The following C2CD5 variants were observed in gnomAD, a reference collection of about 807,000 sequenced individuals.
The protein encoded by C2CD5 is C2 domain-containing protein 5.
C2CD5 carries 109 observed loss-of-function variants against 130.3 expected under a neutral mutation model. That is an observed-to-expected ratio of 0.84 (90% CI 0.72 to 0.98). The LOEUF (loss-of-function observed/expected upper bound fraction) is 0.98. Among genes scored for constraint, C2CD5 ranks in the 50% least tolerant of loss-of-function variants. The pLI is 0.00. For synonymous variants in C2CD5, 454 were observed against 429.2 expected, an observed-to-expected ratio of 1.06 and a Z score of -0.71; for missense variants, 996 against 1,261.8, an observed-to-expected ratio of 0.79 and a Z score of 3.19.
rs564423718 is a variant in C2CD5 at position 22,537,940 on chromosome 12, GACT to G, written c.91-2599_91-2597del. Among the ~76,000 whole-genome samples the G allele has an allele frequency of 4.4e-4, 66 of 151,650 alleles. 1 individual carries two copies. In the East Asian group the frequency reaches 0.012, roughly 28 times the overall value. On this transcript the variant is annotated intron_variant, in intron 2 of 26. Coordinates refer to ENST00000446597, the MANE Select transcript of C2CD5 (RefSeq NM_001286176.2). ...CATCTTACTCTAGAGATTCCTGCAA[GACT>G]ACTCGTCTTGAAGAATTATTTGGTC...
intron 13 of C2CD5, chr12:22,484,254 T>C (rs1309770520): frequency 6.5e-6 from 1 of 152,852 alleles, no homozygotes; most frequent in African/African-American, 2.4e-5. Flanking sequence ...TTGTCATGAG[T>C]TCCCCAATTA....
chr12:22,465,175 G>C (rs796777672), intron 22 of C2CD5, among the ~76,000 whole-genome samples: 9 of 152,006 alleles, frequency 5.9e-5, no homozygotes, highest in African/African-American at 2.2e-4. Context: ...GTAATGAATA[G>C]AGTATTCCTG....
rs1949394979 is a variant in C2CD5, at chr12:22,513,343, G to A, written c.989C>T (p.Pro330Leu). 1.2e-6 allele frequency: 2 copies of A among 1,612,262 alleles called. No individual in the cohort carries two copies. The highest frequency in any genetic ancestry group is 1.3e-5 in the African/African-American group (1 of 74,796). ...GSGSAGKEGG[P>L]FKALLRQQTQ... ...CTGTTGTCTTAAAAGAGCTTTAAAG[G>A]GCCCCCCTTCTTTTCCAGCACTACC... Residue 330 changes from proline (P) to leucine (L), a missense_variant, in exon 9 of 27, where the codon CCC becomes CTC. Pro to Leu is a moderately conservative substitution (Grantham distance 98). Transcript: ENST00000446597.
At chr12:22,483,746 G>A (rs1395994964) in intron 13 of C2CD5, among the ~76,000 whole-genome samples, 1 of 152,116 alleles carries the variant, frequency 6.6e-6, no homozygotes, top group African/African-American at 2.4e-5. Context: ...GGGAGGTTGA[G>A]AAAGAGGACA....
intron 8 of C2CD5, among the ~76,000 whole-genome samples, chr12:22,516,343 T>C (rs1157800980): frequency 2.6e-5 from 4 of 151,750 alleles, no homozygotes; most frequent in Non-Finnish European, 5.9e-5. Flanking sequence ...GGCTGAAAAC[T>C]GCTAATATTA....
intron 24 of C2CD5, among the ~76,000 whole-genome samples, chr12:22,457,665 C>T (rs1171562676): frequency 2.6e-5 from 4 of 152,098 alleles, no homozygotes; most frequent in East Asian, 3.9e-4. Flanking sequence ...AAAAGCTTAA[C>T]GACCTCTGCT....
rs1211690098 is a variant in C2CD5 at position 22,472,361 on chromosome 12, T to C, written c.2108-14A>G. ...AACTATAAAAGCCTGTCAAAATAAATTGTAATCAAAATATATGATAATATT... is the reference window on the plus strand; with the variant it reads ...AACTATAAAAGCCTGTCAAAATAAACTGTAATCAAAATATATGATAATATT... On this transcript the variant is annotated splice_polypyrimidine_tract_variant and intron_variant, in intron 17 of 26. Coordinates refer to ENST00000446597, the MANE Select transcript of C2CD5 (RefSeq NM_001286176.2). 2.4e-6 allele frequency: 3 copies of C among 1,254,436 alleles called. No individual in the cohort carries two copies. The highest frequency in any genetic ancestry group is 1.3e-5 in the South Asian group (1 of 74,738). 77.7% of individuals were successfully genotyped at this position (1,254,436 alleles called of 1,614,324 possible). A position where few individuals can be genotyped will look rare whatever the true frequency, so the allele number is the denominator to read the frequency against.
At chr12:22,501,191 T>C (rs1947737590) in intron 10 of C2CD5, among the ~76,000 whole-genome samples, 1 of 152,222 alleles carries the variant, frequency 6.6e-6, no homozygotes, top group Admixed American at 6.5e-5. Context: ...TATGTTCTTT[T>C]AACATTCTAT....
chr12:22,477,953 C>T (rs1001130673), intron 15 of C2CD5: 4 of 195,314 alleles, frequency 2.0e-5, no homozygotes, highest in Non-Finnish European at 4.2e-5. Flanking sequence ...AAACAAAGCC[C>T]TCATGAAGCT....
Position 22,506,797 on chromosome 12 carries a change from G to A in C2CD5, c.1061C>T (p.Thr354Met), listed in dbSNP as rs188838684. 9.3e-6 allele frequency: 15 copies of A among 1,607,388 alleles called. No individual in the cohort carries two copies. The highest frequency in any genetic ancestry group is 1.3e-5 in the African/African-American group (1 of 74,878). Reference sequence around the variant, plus strand: ...TACAAGGAATCCAGGAGGAAATGCCGTCAAGGTAAAAAATGGAAATTCCTA... The same window carrying A: ...TACAAGGAATCCAGGAGGAAATGCCATCAAGGTAAAAAATGGAAATTCCTA... ...EQREFPFFTL[T>M]AFPPGFLVHV... is the part of the protein sequence containing the mutation. The change falls in exon 10 of 27, where the codon ACG (threonine) becomes ATG (methionine). Residue 354 changes from threonine to methionine, a missense_variant. Around this residue, in one of 9 missense-constraint regions of C2CD5, gnomAD observed 156 missense variants for 165.9 expected, o/e 0.94. Coordinates refer to ENST00000446597, the MANE Select transcript of C2CD5 (RefSeq NM_001286176.2).
intron 10 of C2CD5, among the ~76,000 whole-genome samples, chr12:22,494,887 C>G (rs576479021): frequency 6.6e-6 from 1 of 152,060 alleles, no homozygotes; most frequent in East Asian, 1.9e-4. Flanking sequence ...ACTTTCAAAT[C>G]CATACTCTCT....
chr12:22,527,954 A>T (rs967412211), intron 3 of C2CD5, 62 bp from the exon 4 acceptor site: 1 of 935,898 alleles, frequency 1.1e-6, no homozygotes, highest in Non-Finnish European at 1.5e-6. Flanking sequence ...CCACAAATGT[A>T]TACCTATATC....
At chr12:22,494,678 G>C (rs1165409774) in intron 10 of C2CD5, among the ~76,000 whole-genome samples, 1 of 151,920 alleles carries the variant, frequency 6.6e-6, no homozygotes, top group African/African-American at 2.4e-5. Flanking sequence ...GCAGAATTCA[G>C]GAAACTGAGA....
intron 22 of C2CD5, among the ~76,000 whole-genome samples, chr12:22,467,376 C>A (rs1214075672): frequency 6.6e-6 from 1 of 152,020 alleles, no homozygotes; most frequent in African/African-American, 2.4e-5. Context: ...TAGGCTCAAG[C>A]AATCCGCCTG....
intron 3 of C2CD5, among the ~76,000 whole-genome samples, chr12:22,530,051 T>A (rs1951073146): frequency 7.0e-6 from 1 of 142,576 alleles, no homozygotes; most frequent in Non-Finnish European, 1.5e-5. Flanking sequence ...AAACATCTAT[T>A]TTGCTTAAGA....
chr12:22,474,660 T>G, intron 16 of C2CD5, 91 bp downstream of exon 16: 1 of 846,270 alleles, frequency 1.2e-6, no homozygotes, highest in Non-Finnish European at 1.8e-6. Context: ...ACAGTTGTAA[T>G]GATATAAAAG....
chr12:22,455,056 T>G (rs978123019), intron 25 of C2CD5, among the ~76,000 whole-genome samples: 4 of 152,266 alleles, frequency 2.6e-5, no homozygotes, highest in African/African-American at 9.6e-5. Context: ...AACTTTAAAC[T>G]GGAAGTGAAG....
At chr12:22,519,194 G>T in intron 7 of C2CD5, 2 of 1,535,874 alleles carry the variant, frequency 1.3e-6, no homozygotes, top group South Asian at 1.2e-5. Context: ...TTGGGCTGTT[G>T]TGAGTCGAGC....
intron 9 of C2CD5, chr12:22,507,022 C>T (rs1413650600): frequency 2.3e-6 from 1 of 432,102 alleles, no homozygotes; most frequent in African/African-American, 2.0e-5. Flanking sequence ...CAATGTTATA[C>T]AGAATCCAAA....
Sources: gnomAD v4.1 joint callset for allele counts (sites outside exome capture counted in the v4.1 genomes callset) on GRCh38, gnomAD v4.1.1 for gene constraint, gnomAD v4.1.1 regional missense constraint, MANE v1.5 for transcripts, NCBI Gene and HGNC (gene_info 2026-07-23, HGNC 2026-07-21) for gene names.